The following KAZN variants were observed in gnomAD, a reference collection of about 807,000 sequenced individuals.
KAZN encodes kazrin.
KAZN carries 40 observed loss-of-function variants against 87.4 expected under a neutral mutation model. The observed-to-expected ratio is 0.46, with a 90% confidence interval of 0.36 to 0.60. The LOEUF (loss-of-function observed/expected upper bound fraction) is 0.60. Ranked by LOEUF, KAZN falls within the 20% of genes least tolerant of loss-of-function variation. The pLI is 0.00. For synonymous variants in KAZN, 466 were observed against 458.3 expected (o/e 1.02, Z -0.22); for missense variants, 898 against 1,073.9 (o/e 0.84, Z 2.29).
intron 2 of KAZN, among the ~76,000 whole-genome samples, chr1:14,491,921 C>T (rs967282983): frequency 2.0e-5 from 3 of 152,274 alleles, no homozygotes; most frequent in Middle Eastern, 3.4e-3. Context: ...TTTTGCCTAT[C>T]CCTCCCTTTT....
At chr1:14,557,717 C>T (rs975711861) in intron 2 of KAZN, among the ~76,000 whole-genome samples, 3 of 151,020 alleles carry the variant, frequency 2.0e-5, no homozygotes, top group African/African-American at 7.3e-5. Flanking sequence ...GAAATTGGCT[C>T]ACATGACTAA....
intron 2 of KAZN, among the ~76,000 whole-genome samples, chr1:14,207,815 G>A (rs779351321): frequency 2.6e-5 from 4 of 152,130 alleles, no homozygotes; most frequent in African/African-American, 4.8e-5. Flanking sequence ...GATCAAAGAC[G>A]ATCAAGAGCT....
chr1:14,112,908 C>T (rs1443364916), intron 1 of KAZN, among the ~76,000 whole-genome samples: 1 of 152,224 alleles, frequency 6.6e-6, no homozygotes, highest in East Asian at 1.9e-4. Flanking sequence ...AACTGTTCAG[C>T]CCAGCAGAGT....
chr1:14,278,209 C>A (rs1483950910), intron 2 of KAZN, among the ~76,000 whole-genome samples: 1 of 146,450 alleles, frequency 6.8e-6, no homozygotes, highest in African/African-American at 2.5e-5. Flanking sequence ...CCAGGAAATT[C>A]TCAGAGATTC....
chr1:14,497,175 A>G (rs1307240418), intron 2 of KAZN, among the ~76,000 whole-genome samples: 2 of 152,226 alleles, frequency 1.3e-5, no homozygotes, highest in East Asian at 3.9e-4. Context: ...TAGCGATAAA[A>G]CACCGACTTC....
chr1:14,556,400 T>A (rs1453130438), intron 2 of KAZN, among the ~76,000 whole-genome samples: 1 of 152,092 alleles, frequency 6.6e-6, no homozygotes, highest in Non-Finnish European at 1.5e-5. Flanking sequence ...TGAGCCCCCG[T>A]GCCCGGCGGG....
chr1:14,530,431 G>T (rs960221667), intron 2 of KAZN, among the ~76,000 whole-genome samples: 2 of 152,260 alleles, frequency 1.3e-5, no homozygotes, highest in African/African-American at 4.8e-5. Flanking sequence ...GATTTGGTTT[G>T]GATGTGTGTC....
At chr1:14,533,129 G>GC (rs1311876148) in intron 2 of KAZN, among the ~76,000 whole-genome samples, 2 of 152,186 alleles carry the variant, frequency 1.3e-5, no homozygotes, top group Admixed American at 6.5e-5. Flanking sequence ...TATAACTGTG[G>GC]CCCAGCACCT....
intron 1 of KAZN, among the ~76,000 whole-genome samples, chr1:14,068,999 A>G (rs2101548245): frequency 6.6e-6 from 1 of 152,204 alleles, no homozygotes; most frequent in Admixed American, 6.5e-5. Flanking sequence ...GGGTAACACC[A>G]TATTGGCCAG....
chr1:15,044,370 C>G (rs1673254656), intron 4 of KAZN, among the ~76,000 whole-genome samples: 1 of 152,186 alleles, frequency 6.6e-6, no homozygotes, highest in Non-Finnish European at 1.5e-5. Context: ...AGAGACTGGG[C>G]CAGCCTTTTA....
intron 1 of KAZN, among the ~76,000 whole-genome samples, chr1:14,635,637 A>G (rs1679915064): frequency 6.6e-6 from 1 of 152,206 alleles, no homozygotes; most frequent in African/African-American, 2.4e-5. Context: ...ACGTTCTCTC[A>G]GGGCATCATT....
chr1:14,437,354 C>T (rs752439153), intron 2 of KAZN, among the ~76,000 whole-genome samples: 2 of 152,164 alleles, frequency 1.3e-5, no homozygotes, highest in African/African-American at 4.8e-5. Flanking sequence ...CGATGAAACG[C>T]GCATGTTGAA....
chr1:15,100,585 G>A (rs1641016232), intron 10 of KAZN, among the ~76,000 whole-genome samples: 1 of 152,216 alleles, frequency 6.6e-6, no homozygotes, highest in South Asian at 2.1e-4. Flanking sequence ...GCCAGGCACA[G>A]TCACACATTC....
At chr1:14,122,075 C>G in intron 1 of KAZN, among the ~76,000 whole-genome samples, 1 of 152,096 alleles carries the variant, frequency 6.6e-6, no homozygotes, top group East Asian at 1.9e-4. Flanking sequence ...TACAATCTGG[C>G]CGTGGCTGTG....
At position 14,802,166 on chromosome 1, in the gene KAZN, G is replaced by A. The variant is rs895727838; in HGVS notation, c.227-158518G>A. Among the ~76,000 whole-genome samples, 33 of 152,056 alleles carry A rather than the reference G, an allele frequency of 2.2e-4. 1 individual carries two copies. Among genetic ancestry groups the A allele is most frequent in the Admixed American group, 1.4e-3 (22 of 15,276 alleles). ...CACACCTGTAATCCCAGCACTTTGGGAGGCCAAGGCTGGTGGATCACTTGA... is the reference window on the plus strand; with the variant it reads ...CACACCTGTAATCCCAGCACTTTGGAAGGCCAAGGCTGGTGGATCACTTGA... On this transcript the variant is annotated intron_variant, in intron 1 of 14. Transcript: ENST00000376030.
At chr1:13,928,148 G>A (rs1004685668) in intron 1 of KAZN, among the ~76,000 whole-genome samples, 5 of 152,242 alleles carry the variant, frequency 3.3e-5, no homozygotes, top group Non-Finnish European at 7.3e-5. Flanking sequence ...TTGCGGAGAA[G>A]ATCAGGTTCC....
At chr1:14,715,847 A>G (rs531940968) in intron 1 of KAZN, among the ~76,000 whole-genome samples, 4 of 152,298 alleles carry the variant, frequency 2.6e-5, no homozygotes, top group African/African-American at 9.6e-5. Flanking sequence ...CATCACAGAG[A>G]CGCAGGCCGC....
At chr1:14,376,655 A>G (rs1269682084) in intron 2 of KAZN, among the ~76,000 whole-genome samples, 3 of 152,226 alleles carry the variant, frequency 2.0e-5, no homozygotes, top group African/African-American at 7.2e-5. Context: ...ATGATGAGAA[A>G]TAAATTCTAA....
chr1:15,106,488 C>T (rs1641300136), intron 13 of KAZN, among the ~76,000 whole-genome samples: 1 of 152,124 alleles, frequency 6.6e-6, no homozygotes, highest in Non-Finnish European at 1.5e-5. Context: ...AACTCTTGAC[C>T]ACTCATGAGG....
Sources: gnomAD v4.1 joint callset for allele counts (sites outside exome capture counted in the v4.1 genomes callset) on GRCh38, gnomAD v4.1.1 for gene constraint, MANE v1.5 for transcripts, NCBI Gene and HGNC (gene_info 2026-07-23, HGNC 2026-07-21) for gene names.